Variants in PLCG2 observed in about 807,000 individuals in gnomAD.
PLCG2 encodes 1-phosphatidylinositol 4,5-bisphosphate phosphodiesterase gamma-2.
A neutral mutation model predicts 175.6 loss-of-function variants in PLCG2; 69 were observed. That is an observed-to-expected ratio of 0.39 (90% CI 0.32 to 0.48). The LOEUF is 0.48. Ranked by LOEUF, PLCG2 falls within the 20% of genes least tolerant of loss-of-function variation. The pLI, the probability that PLCG2 is intolerant of heterozygous loss-of-function variation, is 0.91. For missense variants in PLCG2, 1,798 were observed against 1,650.9 expected, an observed-to-expected ratio of 1.09 and a Z score of -1.54; for synonymous variants, 827 against 624.0, an observed-to-expected ratio of 1.33 and a Z score of -4.85.
At chr16:81,902,110 G>A (rs539765549) in intron 14 of PLCG2, among the ~76,000 whole-genome samples, 25 of 152,288 alleles carry the variant, frequency 1.6e-4, no homozygotes, top group Admixed American at 1.0e-3. Context: ...CAGCTGTCCC[G>A]TCCTTTTCTC....
chr16:81,951,036 G>A (rs1019999839), intron 31 of PLCG2, among the ~76,000 whole-genome samples: 1 of 152,170 alleles, frequency 6.6e-6, no homozygotes, highest in Non-Finnish European at 1.5e-5. Context: ...CACCCAGCCT[G>A]GAATACAGTG....
chr16:81,768,689 C>T (rs532110132), intron 2 of PLCG2, among the ~76,000 whole-genome samples: 1 of 150,436 alleles, frequency 6.6e-6, no homozygotes, highest in African/African-American at 2.4e-5. Flanking sequence ...CCTCAGCCTT[C>T]CGAGTAGCTG....
chr16:81,770,319 T>C (rs1045788960), intron 2 of PLCG2, among the ~76,000 whole-genome samples: 1 of 152,182 alleles, frequency 6.6e-6, no homozygotes, highest in Non-Finnish European at 1.5e-5. Flanking sequence ...CAGTTTTAGT[T>C]TTCTATAACA....
intron 2 of PLCG2, among the ~76,000 whole-genome samples, chr16:81,822,967 G>A (rs1033901154): frequency 6.6e-6 from 1 of 152,196 alleles, no homozygotes; most frequent in South Asian, 2.1e-4. Flanking sequence ...CAGTGCTGCC[G>A]ACACCTTGGT....
chr16:81,837,146 C>T (rs942197513), intron 2 of PLCG2, among the ~76,000 whole-genome samples: 1 of 152,184 alleles, frequency 6.6e-6, no homozygotes, highest in Admixed American at 6.5e-5. Flanking sequence ...CAAAAAAAGA[C>T]AAACTAGCAA....
intron 3 of PLCG2, among the ~76,000 whole-genome samples, 162 bp downstream of exon 3, chr16:81,854,749 G>C (rs980722429): frequency 5.3e-5 from 8 of 152,144 alleles, no homozygotes; most frequent in African/African-American, 1.7e-4. Context: ...GTGTCTTTAG[G>C]TGAGTGACTT....
intron 14 of PLCG2, among the ~76,000 whole-genome samples, chr16:81,904,959 C>T (rs530896109): frequency 6.6e-6 from 1 of 152,334 alleles, no homozygotes; most frequent in East Asian, 1.9e-4. Flanking sequence ...GCAGTCTCAG[C>T]TCACTGCAAC....
At chr16:81,803,934 G>T (rs1252767861) in intron 2 of PLCG2, among the ~76,000 whole-genome samples, 1 of 152,134 alleles carries the variant, frequency 6.6e-6, no homozygotes, top group African/African-American at 2.4e-5. Flanking sequence ...CACCTGCCTT[G>T]CCTCCCAGAG....
intron 2 of PLCG2, among the ~76,000 whole-genome samples, chr16:81,841,245 TTTA>T (rs1394835325): frequency 8.0e-6 from 1 of 125,364 alleles, no homozygotes; most frequent in African/African-American, 2.7e-5. Flanking sequence ...TATTTATTTA[TTTA>T]TTTATTGAGA....
At chr16:81,924,693 C>G (rs7192724) in intron 22 of PLCG2, among the ~76,000 whole-genome samples, 37,009 of 152,174 alleles carry the variant, frequency 0.24, 4,522 homozygotes, top group South Asian at 0.31. Context: ...CATTGCAAAC[C>G]AATTCATACC....
chr16:81,936,645 A>G (rs1231046233), intron 27 of PLCG2, among the ~76,000 whole-genome samples: 3 of 152,172 alleles, frequency 2.0e-5, no homozygotes, highest in Non-Finnish European at 4.4e-5. Flanking sequence ...GAAAAAGAAA[A>G]TGCATTAGTT....
intron 2 of PLCG2, chr16:81,798,773 AG>A (rs1286073769): frequency 6.6e-6 from 1 of 152,330 alleles, no homozygotes; most frequent in Non-Finnish European, 1.5e-5. Context: ...CATGTGCAGC[AG>A]GAAGAGGAGA....
At chr16:81,778,055 C>CAAACAAA (rs1910516699), upstream of PLCG2, among the ~76,000 whole-genome samples, 3 of 56,780 alleles carry the variant, frequency 5.3e-5, no homozygotes, top group African/African-American at 1.7e-4. Flanking sequence ...AAAAAAAAAA[C>CAAACAAA]AAAAAAAACC....
intron 13 of PLCG2, among the ~76,000 whole-genome samples, chr16:81,896,292 G>A (rs1356959794): frequency 6.6e-6 from 1 of 151,840 alleles, no homozygotes; most frequent in Non-Finnish European, 1.5e-5. Flanking sequence ...ACTTTGGGAG[G>A]CTGAGGTGTG....
chr16:81,868,718 C>T (rs562603704), intron 5 of PLCG2, among the ~76,000 whole-genome samples: 1 of 152,244 alleles, frequency 6.6e-6, no homozygotes, highest in Non-Finnish European at 1.5e-5. Context: ...TTTGGCATTT[C>T]TGTGGCATTT....
At position 81,940,075 on chromosome 16, in the gene PLCG2, A is replaced by C; in HGVS notation, c.3481+16A>C. On this transcript the variant is annotated intron_variant, in intron 30 of 32. Transcript: ENST00000564138. ...GTCAAATCAGGTAAGAGGCATTTTA[A>C]TTAAGATGTTCGATTTGGGCTGGCG... The C allele has an allele frequency of 7.5e-6, 12 of 1,591,520 alleles. No individual in the cohort carries two copies. The highest frequency in any genetic ancestry group is 1.0e-5 in the Non-Finnish European group (12 of 1,161,110).
At chr16:81,896,054 T>C (rs1009672110) in intron 13 of PLCG2, 127 bp downstream of exon 13, 2 of 1,222,886 alleles carry the variant, frequency 1.6e-6, no homozygotes, top group Middle Eastern at 2.0e-4. Context: ...CTGGGCCCCA[T>C]CTTGGCCAAA....
intron 30 of PLCG2, among the ~76,000 whole-genome samples, chr16:81,940,658 G>A (rs4888196): frequency 0.19 from 29,203 of 152,024 alleles, 3,227 homozygotes; most frequent in African/African-American, 0.31. Context: ...TGGGTCATAC[G>A]ACCAGCTCTT....
chr16:81,829,095 G>C (rs1022400639), intron 2 of PLCG2, among the ~76,000 whole-genome samples: 2 of 152,024 alleles, frequency 1.3e-5, no homozygotes, highest in African/African-American at 4.8e-5. Flanking sequence ...TAATGGGGTA[G>C]TTAGTAGTTT....
Sources: gnomAD v4.1 joint callset for allele counts (sites outside exome capture counted in the v4.1 genomes callset) on GRCh38, gnomAD v4.1.1 for gene constraint, MANE v1.5 for transcripts, NCBI Gene and HGNC (gene_info 2026-07-23, HGNC 2026-07-21) for gene names.